The following SLC38A1 variants were observed in gnomAD, a reference collection of about 807,000 sequenced individuals.
SLC38A1 encodes solute carrier family 38 member 1.
A neutral mutation model predicts 60.3 loss-of-function variants in SLC38A1; 18 were observed. The ratio of observed to expected loss-of-function variants is 0.30; its 90% CI spans 0.21 to 0.44. The LOEUF is 0.44. SLC38A1 is among the 20% of genes least tolerant of loss of function. The pLI is 1.00. For synonymous variants in SLC38A1, 196 were observed against 212.1 expected (o/e 0.92, Z 0.66); for missense variants, 448 against 587.2 (o/e 0.76, Z 2.45).
At chr12:46,204,458 TA>T in intron 10 of SLC38A1, 41 bp from the exon 11 acceptor site, 1 of 1,592,870 alleles carries the variant, frequency 6.3e-7, no homozygotes, top group South Asian at 1.1e-5. Flanking sequence ...TGGACTTTAG[TA>T]AAGCCAATGA....
Position 46,248,930 on chromosome 12 carries a change from G to T in SLC38A1, c.-208-5616C>A, listed in dbSNP as rs1941725208. ...TCAGCACTTTGGGAGGCCGAGGCGG[G>T]CAGATCACGAGTTCAGGAGATCAAG... On this transcript the variant is annotated intron_variant, in intron 1 of 16. Transcript: ENST00000398637. 2.0e-5 allele frequency among the ~76,000 whole-genome samples: 3 copies of T among 152,076 alleles called. No individual in the cohort carries two copies. The South Asian group carries it at 6.2e-4, about 31-fold the overall frequency.
chr12:46,256,712 C>T (rs1172930645), intron 1 of SLC38A1, among the ~76,000 whole-genome samples: 3 of 151,776 alleles, frequency 2.0e-5, no homozygotes, highest in African/African-American at 7.3e-5. Context: ...GCATGCCAGG[C>T]TTCTGGGTTC....
chr12:46,261,232 A>T (rs1348514017), intron 1 of SLC38A1, among the ~76,000 whole-genome samples: 2 of 152,140 alleles, frequency 1.3e-5, no homozygotes, highest in Non-Finnish European at 2.9e-5. Context: ...CCAATGACCA[A>T]CGCAGGCATT....
At chr12:46,214,138 C>A (rs958190985) in intron 5 of SLC38A1, among the ~76,000 whole-genome samples, 48 of 152,308 alleles carry the variant, frequency 3.2e-4, no homozygotes, top group African/African-American at 1.1e-3. Context: ...CTACACTATT[C>A]CTTGGCATCT....
chr12:46,219,309 A>G (rs1017849866), intron 5 of SLC38A1, among the ~76,000 whole-genome samples: 11 of 152,326 alleles, frequency 7.2e-5, no homozygotes, highest in African/African-American at 2.6e-4. Context: ...TAATTTTGCA[A>G]AGGCAGTTTC....
At chr12:46,217,692 T>C (rs1229092886) in intron 5 of SLC38A1, among the ~76,000 whole-genome samples, 1 of 152,200 alleles carries the variant, frequency 6.6e-6, no homozygotes, top group African/African-American at 2.4e-5. Context: ...GTGGACTTCT[T>C]AGTCACTAAA....
In SLC38A1 at chr12:46,197,826, TAAGAC is replaced by T. The variant is rs1565751195; in HGVS notation, c.1265-14_1265-10del. 1.9e-6 allele frequency: 3 copies of T among 1,596,930 alleles called. No homozygotes were observed. Among genetic ancestry groups the T allele is most frequent in the Non-Finnish European group, 2.6e-6 (3 of 1,173,512 alleles). On this transcript the variant is annotated splice_polypyrimidine_tract_variant and intron_variant, in intron 15 of 16. Transcript: ENST00000398637. Reference sequence around the variant, plus strand: ...GTTAGCAGATGTAACTCCTGTAAAATAAGACAAAAGAGAAAGTTTAGCATTGCTAT... The same window carrying T: ...GTTAGCAGATGTAACTCCTGTAAAATAAAAGAGAAAGTTTAGCATTGCTAT...
At chr12:46,253,372 G>T (rs375269102) in intron 1 of SLC38A1, among the ~76,000 whole-genome samples, 12 of 152,186 alleles carry the variant, frequency 7.9e-5, no homozygotes, top group African/African-American at 2.9e-4. Context: ...AAGGGCTGCT[G>T]GTTGCCCATT....
chr12:46,267,736 G>C (rs1170211272), intron 1 of SLC38A1: 1 of 152,324 alleles, frequency 6.6e-6, no homozygotes, highest in African/African-American at 2.4e-5. Flanking sequence ...GGGGGTTGGG[G>C]AGGAGGTGGG....
Position 46,268,854 on chromosome 12 carries a change from C to T in SLC38A1, c.-537G>A, listed in dbSNP as rs1344819609. 2.2e-6 allele frequency: 1 copy of T among 454,824 alleles called. No homozygotes were observed. The highest frequency in any genetic ancestry group is 2.4e-5 in the Admixed American group (1 of 42,454). 28.2% of individuals were successfully genotyped at this position (454,824 alleles called of 1,614,324 possible). A position where few individuals can be genotyped will look rare whatever the true frequency, so the allele number is the denominator to read the frequency against. On this transcript the variant is annotated 5_prime_UTR_variant, in exon 1 of 17. Transcript: ENST00000398637. The surrounding 1 kb of genome is among the most constrained non-coding windows in gnomAD (Gnocchi z 4.4). Reference sequence around the variant, plus strand: ...CCCCACTCACACTCTGCTCGCCGGCCTCGCACTTACATCGACATGCACCGG... The same window carrying T: ...CCCCACTCACACTCTGCTCGCCGGCTTCGCACTTACATCGACATGCACCGG...
chr12:46,201,121 A>C lies in SLC38A1; in HGVS notation c.980T>G (p.Ile327Ser). 1 of 1,612,974 alleles carries C rather than the reference A, an allele frequency of 6.2e-7. No homozygotes were observed. Among genetic ancestry groups the C allele is most frequent in the Non-Finnish European group, 8.5e-7 (1 of 1,179,374 alleles). Residue 327 changes from isoleucine to serine, a missense_variant, in exon 13 of 17, where the codon ATT becomes AGT. Ile to Ser is a moderately radical substitution (Grantham distance 142, BLOSUM62 -2). Transcript: ENST00000398637. ...ACCATAGAATGTCAAGTAGCCAAAAATGGCAGTCAAGAAGTACATAACAAA... is the reference window on the plus strand; with the variant it reads ...ACCATAGAATGTCAAGTAGCCAAAACTGGCAGTCAAGAAGTACATAACAAA... ...AMFVMYFLTA[I>S]FGYLTFYDNV...
chr12:46,202,196 A>C (rs949644280), intron 12 of SLC38A1, among the ~76,000 whole-genome samples: 1 of 117,684 alleles, frequency 8.5e-6, no homozygotes, highest in Non-Finnish European at 1.7e-5. Flanking sequence ...TGTCTCAAAA[A>C]AAAAAAAATA....
chr12:46,264,114 T>C (rs1942281348), intron 1 of SLC38A1, among the ~76,000 whole-genome samples: 1 of 152,248 alleles, frequency 6.6e-6, no homozygotes. Flanking sequence ...ATGAGTCTAA[T>C]GTGAAGTCTG....
chr12:46,257,262 T>C (rs184445397), intron 1 of SLC38A1, among the ~76,000 whole-genome samples: 7 of 152,300 alleles, frequency 4.6e-5, no homozygotes, highest in African/African-American at 1.7e-4. Context: ...AGAATAGCAG[T>C]TAACAGGCTG....
chr12:46,257,891 C>G (rs1037960205), intron 1 of SLC38A1, among the ~76,000 whole-genome samples: 2 of 152,172 alleles, frequency 1.3e-5, no homozygotes, highest in African/African-American at 4.8e-5. Context: ...AGATCTCGCA[C>G]AAGAAAAAAT....
intron 1 of SLC38A1, among the ~76,000 whole-genome samples, chr12:46,263,758 C>G (rs80025134): frequency 3.9e-5 from 6 of 152,138 alleles, no homozygotes; most frequent in Non-Finnish European, 8.8e-5. Flanking sequence ...CTGGCTGTAT[C>G]ACTGGACAGG....
intron 1 of SLC38A1, among the ~76,000 whole-genome samples, chr12:46,248,054 A>G (rs191978606): frequency 2.6e-4 from 40 of 152,384 alleles, no homozygotes; most frequent in African/African-American, 8.7e-4. Context: ...ATGGAAAGGA[A>G]CAACCAGTAC....
chr12:46,234,326 G>A (rs1191852773), intron 3 of SLC38A1, among the ~76,000 whole-genome samples: 1 of 152,184 alleles, frequency 6.6e-6, no homozygotes, highest in Non-Finnish European at 1.5e-5. Flanking sequence ...AAGCTGGAGG[G>A]AAATTTAGCT....
chr12:46,223,192 C>T (rs1396797737), intron 5 of SLC38A1, among the ~76,000 whole-genome samples: 1 of 152,154 alleles, frequency 6.6e-6, no homozygotes, highest in Non-Finnish European at 1.5e-5. Flanking sequence ...GGGACGCTGG[C>T]TCCCCTACTT....
Sources: allele counts gnomAD v4.1 joint callset (sites outside exome capture counted in the v4.1 genomes callset), GRCh38; gene constraint gnomAD v4.1.1; non-coding constraint Gnocchi (gnomAD v3.1); transcripts MANE v1.5; gene names NCBI Gene and HGNC (gene_info 2026-07-23, HGNC 2026-07-21).